The following CX3CL1 variants were observed in gnomAD, a reference collection of about 807,000 sequenced individuals.
The protein encoded by CX3CL1 is fractalkine.
A neutral mutation model predicts 14.1 loss-of-function variants in CX3CL1; 1 was observed. That is an observed-to-expected ratio of 0.07 (90% CI 0.03 to 0.34). The LOEUF is 0.34. Among genes scored for constraint, CX3CL1 ranks in the 10% least tolerant of loss-of-function variants. The pLI is 0.99. For missense variants in CX3CL1, 505 were observed against 536.4 expected, an observed-to-expected ratio of 0.94 and a Z score of 0.58; for synonymous variants, 255 against 229.6, an observed-to-expected ratio of 1.11 and a Z score of -1.00.
chr16:57,382,879 C>T lies in CX3CL1; in HGVS notation c.1041C>T (p.Ala347=), dbSNP rs1902353075. 4 of 1,558,416 alleles carry T rather than the reference C, an allele frequency of 2.6e-6. No homozygotes were observed. Among genetic ancestry groups the T allele is most frequent in the Non-Finnish European group, 3.5e-6 (4 of 1,147,834 alleles). The change falls in exon 3 of 3, where the codon GCC becomes GCT. Residue 347 remains alanine, a synonymous_variant. Transcript: ENST00000006053. This position sits in a 1 kb window ranked among gnomAD's most constrained non-coding sequence, Gnocchi z 6.9. ...ATRRQAVGLL[A]FLGLLFCLGV... ...GGAGGCAGGCGGTGGGGCTGCTGGC[C>T]TTCCTTGGCCTCCTCTTCTGCCTGG...
chr16:57,376,191 C>T (rs983026429), intron 1 of CX3CL1, among the ~76,000 whole-genome samples: 4 of 152,224 alleles, frequency 2.6e-5, no homozygotes, highest in African/African-American at 9.7e-5. Flanking sequence ...CCTTCTGAGG[C>T]CAGAGGCATT....
Position 57,384,060 on chromosome 16 carries a change from G to T in CX3CL1, c.*1028G>T, listed in dbSNP as rs1170020453. 1 of 152,216 alleles carries T rather than the reference G, an allele frequency of 6.6e-6. No individual in the cohort carries two copies. Among genetic ancestry groups the T allele is most frequent in the Non-Finnish European group, 1.5e-5 (1 of 68,080 alleles). 9.4% of individuals were successfully genotyped at this position (152,216 alleles called of 1,614,324 possible). On this transcript the variant is annotated 3_prime_UTR_variant, in exon 3 of 3. Coordinates refer to ENST00000006053, the MANE Select transcript of CX3CL1 (RefSeq NM_002996.6). Reference sequence around the variant, plus strand: ...CCTCCCATCACCCGCTAAGAGGGAGGGAGGGCTCCAGACACATGTCCAAGA... The same window carrying T: ...CCTCCCATCACCCGCTAAGAGGGAGTGAGGGCTCCAGACACATGTCCAAGA...
chr16:57,376,806 A>G (rs1261306450), intron 1 of CX3CL1, among the ~76,000 whole-genome samples: 4 of 152,158 alleles, frequency 2.6e-5, no homozygotes, highest in Admixed American at 6.5e-5. Flanking sequence ...ATTTCATTCA[A>G]TGAATATTGA....
Position 57,372,551 on chromosome 16 carries a change from T to C in CX3CL1, c.-18T>C. ...CCGCCTGCCTGGCCCCCGCCGGGAC[T>C]CTTGCCCACCCTCAGCCATGGCTCC... On this transcript the variant is annotated 5_prime_UTR_variant, in exon 1 of 3. Transcript: ENST00000006053. The C allele has an allele frequency of 6.8e-6, 11 of 1,610,342 alleles. No individual in the cohort carries two copies. The highest frequency in any genetic ancestry group is 9.3e-6 in the Non-Finnish European group (11 of 1,179,724).
Position 57,382,257 on chromosome 16 carries a change from C to T in CX3CL1, c.419C>T (p.Pro140Leu), listed in dbSNP as rs200354035. 5.6e-6 allele frequency: 9 copies of T among 1,609,530 alleles called. No individual in the cohort carries two copies. Among genetic ancestry groups the T allele is most frequent in the African/African-American group, 2.7e-5 (2 of 74,814 alleles). Reference sequence around the variant, plus strand: ...ACAGGCGAAAGCAGTAGCCTGGAGCCGACTCCTTCTTCCCAGGAAGCACAG... The same window carrying T: ...ACAGGCGAAAGCAGTAGCCTGGAGCTGACTCCTTCTTCCCAGGAAGCACAG... ...EATGESSSLE[P>L]TPSSQEAQRA... The change falls in exon 3 of 3, where the codon CCG (proline) becomes CTG (leucine). Residue 140 changes from proline (P) to leucine (L), a missense_variant. Pro to Leu is a moderately conservative substitution (Grantham distance 98). Transcript: ENST00000006053. This position sits in a 1 kb window ranked among gnomAD's most constrained non-coding sequence, Gnocchi z 6.9.
chr16:57,376,348 T>C lies in CX3CL1; in HGVS notation c.71-3286T>C, dbSNP rs531573325. On this transcript the variant is annotated intron_variant, in intron 1 of 2. Coordinates refer to ENST00000006053, the MANE Select transcript of CX3CL1 (RefSeq NM_002996.6). Reference sequence around the variant, plus strand: ...TCTTCAAACTCAGCACCAGTGCCTATGGGAGAAAGAGCTCAAGGTTAAGGA... The same window carrying C: ...TCTTCAAACTCAGCACCAGTGCCTACGGGAGAAAGAGCTCAAGGTTAAGGA... 3.3e-5 allele frequency among the ~76,000 whole-genome samples: 5 copies of C among 152,356 alleles called. No homozygotes were observed. The South Asian group carries it at 1.0e-3, about 32-fold the overall frequency.
Position 57,382,272 on chromosome 16 carries a change from A to T in CX3CL1, c.434A>T (p.Gln145Leu). Reference protein sequence around the residue: ...SSSLEPTPSSQEAQRALGTSP... With the variant: ...SSSLEPTPSSLEAQRALGTSP... Reference sequence around the variant, plus strand: ...AGCCTGGAGCCGACTCCTTCTTCCCAGGAAGCACAGAGGGCCCTGGGGACC... The same window carrying T: ...AGCCTGGAGCCGACTCCTTCTTCCCTGGAAGCACAGAGGGCCCTGGGGACC... Residue 145 changes from glutamine (Q) to leucine (L), a missense_variant, in exon 3 of 3, where the codon CAG (glutamine) becomes CTG (leucine). By Grantham distance (113) the Gln-to-Leu change is moderately radical. Transcript: ENST00000006053. This position sits in a 1 kb window ranked among gnomAD's most constrained non-coding sequence, Gnocchi z 6.9. The T allele has an allele frequency of 1.9e-6, 3 of 1,608,396 alleles. No homozygotes were observed. Among genetic ancestry groups the T allele is most frequent in the Non-Finnish European group, 1.7e-6 (2 of 1,176,612 alleles).
At chr16:57,381,594 A>G (rs1047129808) in intron 2 of CX3CL1, among the ~76,000 whole-genome samples, 12 of 152,102 alleles carry the variant, frequency 7.9e-5, no homozygotes, top group African/African-American at 2.9e-4. Context: ...CCTTAATGGT[A>G]ACAATATTAT....
In CX3CL1 at chr16:57,382,147, C is replaced by T. The variant is rs767389618; in HGVS notation, c.309C>T (p.Phe103=). 10 of 1,613,942 alleles carry T rather than the reference C, an allele frequency of 6.2e-6. No homozygotes were observed. Among genetic ancestry groups the T allele is most frequent in the South Asian group, 3.3e-5 (3 of 91,076 alleles). The change falls in exon 3 of 3, where the codon TTC becomes TTT. Residue 103 remains phenylalanine, a synonymous_variant. Transcript: ENST00000006053. The surrounding 1 kb of genome is among the most constrained non-coding windows in gnomAD (Gnocchi z 6.9). ...AAALTRNGGT[F]EKQIGEVKPR... ...CCCTAACTCGAAATGGCGGCACCTT[C>T]GAGAAGCAGATCGGCGAGGTGAAGC...
chr16:57,384,813 C>T lies in CX3CL1; in HGVS notation c.*1781C>T, dbSNP rs8102. 106,171 of 152,212 alleles carry T rather than the reference C, an allele frequency of 0.7. 37,249 individuals carry two copies. Among genetic ancestry groups the T allele is most frequent in the Non-Finnish European group, 0.73 (49,979 of 68,050 alleles). 9.4% of individuals were successfully genotyped at this position (152,212 alleles called of 1,614,324 possible). A position where few individuals can be genotyped will look rare whatever the true frequency, so the allele number is the denominator to read the frequency against. ...GGCTCTTCCAGGCTGGGAGAGCCTT[C>T]CAGGGGTGGGACACCCTGTGATGGG... On this transcript the variant is annotated 3_prime_UTR_variant, in exon 3 of 3. Coordinates refer to ENST00000006053, the MANE Select transcript of CX3CL1 (RefSeq NM_002996.6).
Position 57,372,531 on chromosome 16 carries a change from T to A in CX3CL1, c.-38T>A, listed in dbSNP as rs750583203. 1.2e-5 allele frequency: 20 copies of A among 1,600,782 alleles called. No homozygotes were observed. Among genetic ancestry groups the A allele is most frequent in the South Asian group, 2.2e-5 (2 of 90,884 alleles). On this transcript the variant is annotated 5_prime_UTR_variant, in exon 1 of 3. Coordinates refer to ENST00000006053, the MANE Select transcript of CX3CL1 (RefSeq NM_002996.6). Reference sequence around the variant, plus strand: ...GCTCTGCCGCCTGGCTCTAGCCGCCTGCCTGGCCCCCGCCGGGACTCTTGC... The same window carrying A: ...GCTCTGCCGCCTGGCTCTAGCCGCCAGCCTGGCCCCCGCCGGGACTCTTGC...
intron 1 of CX3CL1, among the ~76,000 whole-genome samples, chr16:57,373,797 C>T (rs186501858): frequency 4.6e-5 from 7 of 152,230 alleles, no homozygotes. Context: ...GTTATGTGAC[C>T]GTGAGCAGGG....
At position 57,382,929 on chromosome 16, in the gene CX3CL1, G is replaced by A; in HGVS notation, c.1091G>A (p.Ser364Asn). ...GGGGTGGCCATGTTCACCTACCAGA[G>A]CCTCCAGGGCTGCCCTCGAAAGATG... ...CLGVAMFTYQ[S>N]LQGCPRKMAG... Residue 364 changes from serine to asparagine, a missense_variant, in exon 3 of 3, where the codon AGC (serine) becomes AAC (asparagine). By Grantham distance (46) the Ser-to-Asn change is conservative. Transcript: ENST00000006053. The surrounding 1 kb of genome is among the most constrained non-coding windows in gnomAD (Gnocchi z 6.9). 2 of 1,534,602 alleles carry A rather than the reference G, an allele frequency of 1.3e-6. No homozygotes were observed. Among genetic ancestry groups the A allele is most frequent in the African/African-American group, 1.4e-5 (1 of 72,536 alleles).
In CX3CL1 at chr16:57,382,383, G is replaced by T. The variant is rs749606953; in HGVS notation, c.545G>T (p.Gly182Val). Residue 182 changes from glycine to valine, a missense_variant, in exon 3 of 3, where the codon GGC (glycine) becomes GTC (valine). Transcript: ENST00000006053. The surrounding 1 kb of genome is among the most constrained non-coding windows in gnomAD (Gnocchi z 6.9). ...AAGGCTCAGGATGGAGGGCCTGTGGGCACGGAGCTTTTCCGAGTGCCTCCC... is the reference window on the plus strand; with the variant it reads ...AAGGCTCAGGATGGAGGGCCTGTGGTCACGGAGCTTTTCCGAGTGCCTCCC... ...TPKAQDGGPV[G>V]TELFRVPPVS... The T allele has an allele frequency of 6.8e-6, 11 of 1,611,570 alleles. No homozygotes were observed. Among genetic ancestry groups the T allele is most frequent in the Admixed American group, 1.7e-5 (1 of 60,012 alleles).
chr16:57,374,398 C>G (rs1172952882), intron 1 of CX3CL1, among the ~76,000 whole-genome samples: 2 of 151,986 alleles, frequency 1.3e-5, no homozygotes, highest in African/African-American at 4.8e-5. Context: ...AGAGCATTGC[C>G]CCCCCACTCC....
In CX3CL1 at chr16:57,379,572, C is replaced by T. The variant is rs748873291; in HGVS notation, c.71-62C>T. On this transcript the variant is annotated intron_variant, in intron 1 of 2. Transcript: ENST00000006053. ...GTGGTGTGGCCGGGACAATCTGGCA[C>T]GGGGTTGGGAAGCCAGATGCCCACA... 5.8e-5 allele frequency: 93 copies of T among 1,606,974 alleles called. No homozygotes were observed. The Admixed American group carries it at 1.2e-3, about 21-fold the overall frequency.
chr16:57,382,249 C>G lies in CX3CL1; in HGVS notation c.411C>G (p.Ser137Arg). 1 of 1,610,598 alleles carries G rather than the reference C, an allele frequency of 6.2e-7. No homozygotes were observed. Among genetic ancestry groups the G allele is most frequent in the African/African-American group, 1.3e-5 (1 of 74,982 alleles). ...LEPEATGESS[S>R]LEPTPSSQEA... ...CCGAAGCCACAGGCGAAAGCAGTAG[C>G]CTGGAGCCGACTCCTTCTTCCCAGG... Residue 137 changes from serine to arginine, a missense_variant, in exon 3 of 3, where the codon AGC becomes AGG. Transcript: ENST00000006053. The surrounding 1 kb of genome is among the most constrained non-coding windows in gnomAD (Gnocchi z 6.9).
chr16:57,381,723 G>A (rs143669738), intron 2 of CX3CL1, among the ~76,000 whole-genome samples: 2 of 152,156 alleles, frequency 1.3e-5, no homozygotes, highest in Non-Finnish European at 2.9e-5. Flanking sequence ...GTTTGCCTGG[G>A]GACTTCCCCA....
intron 1 of CX3CL1, among the ~76,000 whole-genome samples, chr16:57,376,675 T>G (rs1902251880): frequency 6.6e-6 from 1 of 151,238 alleles, no homozygotes; most frequent in African/African-American, 2.4e-5. Context: ...TGGAGATGAA[T>G]AGGGGTTGGG....
Sources: allele counts gnomAD v4.1 joint callset (sites outside exome capture counted in the v4.1 genomes callset), GRCh38; gene constraint gnomAD v4.1.1; non-coding constraint Gnocchi (gnomAD v3.1); transcripts MANE v1.5; gene names NCBI Gene and HGNC (gene_info 2026-07-23, HGNC 2026-07-21).